The following ACSF3 variants were observed in gnomAD, a reference collection of about 807,000 sequenced individuals.
The protein encoded by ACSF3 is malonate--CoA ligase ACSF3, mitochondrial.
ACSF3 carries 78 observed loss-of-function variants against 53.2 expected under a neutral mutation model. That is an observed-to-expected ratio of 1.47 (90% CI 1.22 to 1.77). ACSF3 has a LOEUF of 1.77. Ranked by LOEUF, ACSF3 falls within the 40% of genes most tolerant of loss-of-function variation. ACSF3 has a pLI of 0.00. For missense variants in ACSF3, 937 were observed against 771.1 expected, an observed-to-expected ratio of 1.22 and a Z score of -2.55; for synonymous variants, 414 against 333.1, an observed-to-expected ratio of 1.24 and a Z score of -2.65.
At chr16:89,137,227 G>A (rs1339954369) in intron 8 of ACSF3, among the ~76,000 whole-genome samples, 3 of 149,536 alleles carry the variant, frequency 2.0e-5, no homozygotes, top group Non-Finnish European at 4.5e-5. Flanking sequence ...AGAAGAGCCA[G>A]GGATCCCGGG....
chr16:89,128,766 T>C (rs1908676439), intron 7 of ACSF3, among the ~76,000 whole-genome samples: 1 of 152,172 alleles, frequency 6.6e-6, no homozygotes, highest in Non-Finnish European at 1.5e-5. Context: ...TTCTTTTAAA[T>C]TTGTTAAGTT....
In ACSF3 at chr16:89,154,336, CAAG is replaced by C. The variant is rs1372530063; in HGVS notation, c.*132_*134del. ...CCCCCCAAATCAGGTCACGTAGAAT[CAAG>C]AACTGTTTGGGATGAAATCACCATG... On this transcript the variant is annotated 3_prime_UTR_variant, in exon 11 of 11. Transcript: ENST00000614302. 6 of 878,428 alleles carry C rather than the reference CAAG, an allele frequency of 6.8e-6. No individual in the cohort carries two copies. The highest frequency in any genetic ancestry group is 1.7e-5 in the African/African-American group (1 of 60,366). 54.4% of individuals were successfully genotyped at this position (878,428 alleles called of 1,614,324 possible).
chr16:89,101,385 G>A (rs769433335), intron 3 of ACSF3, 38 bp downstream of exon 3: 20 of 1,551,752 alleles, frequency 1.3e-5, no homozygotes, highest in Middle Eastern at 2.0e-4. Context: ...TTCGGTGACC[G>A]CACAGCACTC....
At chr16:89,113,563 C>G (rs558822246) in intron 5 of ACSF3, 1 of 153,702 alleles carries the variant, frequency 6.5e-6, no homozygotes, top group South Asian at 2.0e-4. Context: ...TCTGGGGTGA[C>G]AGAGGCAATG....
Position 89,153,130 on chromosome 16 carries a change from G to C in ACSF3, c.1614-960G>C, listed in dbSNP as rs1011867862. 9.8e-5 allele frequency: 15 copies of C among 152,674 alleles called. 1 individual carries two copies. Among genetic ancestry groups the C allele is most frequent in the Non-Finnish European group, 1.5e-4 (10 of 68,056 alleles). 9.5% of individuals were successfully genotyped at this position (152,674 alleles called of 1,614,324 possible). On this transcript the variant is annotated intron_variant, in intron 10 of 10. Coordinates refer to ENST00000614302, the MANE Select transcript of ACSF3 (RefSeq NM_001243279.3). Reference sequence around the variant, plus strand: ...CAAGAAACCACGACACTTGGTTTCTGGACTTTTCCGCGGAACAGTAACCAG... The same window carrying C: ...CAAGAAACCACGACACTTGGTTTCTCGACTTTTCCGCGGAACAGTAACCAG...
At chr16:89,107,989 T>C (rs2151432444) in intron 4 of ACSF3, among the ~76,000 whole-genome samples, 1 of 152,320 alleles carries the variant, frequency 6.6e-6, no homozygotes, top group Admixed American at 6.5e-5. Flanking sequence ...CTCAGAATCA[T>C]GGTGGGAGGC....
At chr16:89,099,525 A>G (rs1286949998) in intron 2 of ACSF3, among the ~76,000 whole-genome samples, 1 of 152,148 alleles carries the variant, frequency 6.6e-6, no homozygotes, top group Admixed American at 6.5e-5. Flanking sequence ...TCACACCTGT[A>G]ATTTCAACAC....
At chr16:89,113,134 G>C (rs1410192245) in intron 5 of ACSF3, 1 of 152,252 alleles carries the variant, frequency 6.6e-6, no homozygotes, top group East Asian at 1.9e-4. Flanking sequence ...TCACAGGCCC[G>C]CACCTCCAGC....
At chr16:89,151,370 G>A (rs749325295) in intron 10 of ACSF3, 14 of 376,502 alleles carry the variant, frequency 3.7e-5, no homozygotes, top group Admixed American at 1.3e-4. Context: ...ATGAAACAGA[G>A]TGGGGAGGAA....
At chr16:89,132,169 C>T (rs1304373001) in intron 7 of ACSF3, among the ~76,000 whole-genome samples, 4 of 152,378 alleles carry the variant, frequency 2.6e-5, no homozygotes, top group African/African-American at 7.2e-5. Context: ...GCAGCTACTT[C>T]CCTGGCCCCT....
intron 7 of ACSF3, chr16:89,122,429 C>G (rs1906882979): frequency 2.2e-6 from 1 of 452,258 alleles, no homozygotes; most frequent in African/African-American, 2.0e-5. Flanking sequence ...CTGCCTCTGC[C>G]CTGCTGGTAC....
intron 8 of ACSF3, among the ~76,000 whole-genome samples, chr16:89,133,880 T>A (rs1444207619): frequency 2.6e-5 from 4 of 152,132 alleles, no homozygotes; most frequent in African/African-American, 9.7e-5. Context: ...CCTGTGGCGG[T>A]CAGGAGAGAC....
chr16:89,141,686 C>T (rs1045197482), intron 8 of ACSF3, among the ~76,000 whole-genome samples: 1 of 152,200 alleles, frequency 6.6e-6, no homozygotes, highest in Non-Finnish European at 1.5e-5. Context: ...GGAAGGAGCT[C>T]CAGGCAGCAG....
intron 8 of ACSF3, among the ~76,000 whole-genome samples, chr16:89,133,921 C>T (rs1421525720): frequency 6.6e-6 from 1 of 152,194 alleles, no homozygotes; most frequent in East Asian, 1.9e-4. Context: ...CTGGCAGCCC[C>T]CACTGCCACC....
At chr16:89,102,579 T>C (rs189491917) in intron 3 of ACSF3, 25 bp from the exon 4 acceptor site, 1 of 1,612,840 alleles carries the variant, frequency 6.2e-7, no homozygotes, top group East Asian at 2.2e-5. Context: ...GCTCTTGCTC[T>C]CAGCTGTGCT....
At chr16:89,131,453 A>G (rs1021538294) in intron 7 of ACSF3, among the ~76,000 whole-genome samples, 3 of 152,072 alleles carry the variant, frequency 2.0e-5, no homozygotes, top group African/African-American at 7.2e-5. Context: ...GATAATTCCA[A>G]TAACTGTGTT....
intron 8 of ACSF3, among the ~76,000 whole-genome samples, chr16:89,143,685 C>G (rs138624525): frequency 6.6e-6 from 1 of 152,158 alleles, no homozygotes; most frequent in African/African-American, 2.4e-5. Flanking sequence ...ACACCCCCTT[C>G]CAGCCGCCCA....
chr16:89,105,963 C>G (rs1327958244), intron 4 of ACSF3, among the ~76,000 whole-genome samples: 2 of 152,264 alleles, frequency 1.3e-5, no homozygotes, highest in African/African-American at 4.8e-5. Context: ...TTCTCCAGCA[C>G]TGCATGAATG....
intron 2 of ACSF3, among the ~76,000 whole-genome samples, chr16:89,100,002 G>A (rs1373624490): frequency 6.6e-6 from 1 of 151,938 alleles, no homozygotes; most frequent in Non-Finnish European, 1.5e-5. Flanking sequence ...AAAGCTGGGT[G>A]TGGTATCACA....
Sources: gnomAD v4.1 joint callset for allele counts (sites outside exome capture counted in the v4.1 genomes callset) on GRCh38, gnomAD v4.1.1 for gene constraint, MANE v1.5 for transcripts, NCBI Gene and HGNC (gene_info 2026-07-23, HGNC 2026-07-21) for gene names.